PLEKHH3: variants seen among roughly 807,000 people sequenced by gnomAD.
The protein encoded by PLEKHH3 is pleckstrin homology domain-containing family H member 3.
In PLEKHH3, 57 loss-of-function variants were observed where a neutral mutation model predicts 77.8. The ratio of observed to expected loss-of-function variants is 0.73; its 90% CI spans 0.59 to 0.91. The LOEUF is 0.91. Ranked by LOEUF, PLEKHH3 falls within the 40% of genes least tolerant of loss-of-function variation. The probability of loss-of-function intolerance (pLI) is 0.00; values close to 1 mark genes in which losing one functional copy is unlikely to be tolerated. For missense variants in PLEKHH3, 1,082 were observed against 1,091.2 expected, an observed-to-expected ratio of 0.99 and a Z score of 0.12; for synonymous variants, 467 against 504.8, an observed-to-expected ratio of 0.93 and a Z score of 1.00.
Position 42,673,525 on chromosome 17 carries a change from T to C in PLEKHH3, c.522A>G (p.Lys174=), listed in dbSNP as rs548756464. The change falls in exon 5 of 13, where the codon AAA becomes AAG. Residue 174 remains lysine (K), a synonymous_variant. Coordinates refer to ENST00000591022, the MANE Select transcript of PLEKHH3 (RefSeq NM_024927.5). ...GTGGGGAGCAGAGGCGGACACTGTG[T>C]TTCCGACCAGACACAGTCACTGACC... is the stretch of plus-strand genomic sequence containing the variant. ...GLWSVTVSGR[K]HSVRLCSPRQ... The C allele has an allele frequency of 5.6e-6, 9 of 1,600,054 alleles. No individual in the cohort carries two copies. In the East Asian group the frequency reaches 1.8e-4, roughly 32 times the overall value.
In PLEKHH3 at chr17:42,676,180, C is replaced by A; in HGVS notation, c.162+222G>T. ...GCCTCCCCTGCCTCAGGGCCCCCAG[C>A]AGGTGGATAGCGCCCAGCCTGCAGC... On this transcript the variant is annotated intron_variant, in intron 1 of 12. Coordinates refer to ENST00000591022, the MANE Select transcript of PLEKHH3 (RefSeq NM_024927.5). The surrounding 1 kb of genome is among the most constrained non-coding windows in gnomAD (Gnocchi z 6.6). 2.9e-6 allele frequency: 4 copies of A among 1,380,546 alleles called. No homozygotes were observed. The highest frequency in any genetic ancestry group is 3.8e-6 in the Non-Finnish European group (4 of 1,063,354). 85.5% of individuals were successfully genotyped at this position (1,380,546 alleles called of 1,614,324 possible). A position where few individuals can be genotyped will look rare whatever the true frequency, so the allele number is the denominator to read the frequency against.
At position 42,673,241 on chromosome 17, in the gene PLEKHH3, A is replaced by C. The variant is rs1408826109; in HGVS notation, c.704T>G (p.Leu235Arg). The C allele has an allele frequency of 6.3e-7, 1 of 1,589,530 alleles. No individual in the cohort carries two copies. The highest frequency in any genetic ancestry group is 2.2e-5 in the East Asian group (1 of 44,620). ...VALIYLRNPI[L>R]RHTSGALYAP... ...ATACAAGGCTCCACTAGTGTGTCTC[A>C]GAATCGGGTTCCTCAGGTAAATGAG... The change falls in exon 6 of 13, where the codon CTG becomes CGG. Residue 235 changes from leucine (L) to arginine (R), a missense_variant. Around this residue, in one of 3 missense-constraint regions of PLEKHH3, gnomAD observed 344 missense variants for 320.8 expected, o/e 1.07. Coordinates refer to ENST00000591022, the MANE Select transcript of PLEKHH3 (RefSeq NM_024927.5).
In PLEKHH3 at chr17:42,671,624, CT is replaced by C. The variant is rs1466928738; in HGVS notation, c.1077-67del. ...TTCTTCTCCCCCTCCCTCTTGCCTGCTTCTCTTATAGTTTATTTTATCTAGC... is the reference window on the plus strand; with the variant it reads ...TTCTTCTCCCCCTCCCTCTTGCCTGCTCTCTTATAGTTTATTTTATCTAGC... On this transcript the variant is annotated intron_variant, in intron 7 of 12. Transcript: ENST00000591022. This position sits in a 1 kb window ranked among gnomAD's most constrained non-coding sequence, Gnocchi z 4.7. 5 of 1,467,890 alleles carry C rather than the reference CT, an allele frequency of 3.4e-6. No individual in the cohort carries two copies. In the African/African-American group the frequency reaches 7.0e-5, roughly 21 times the overall value. 90.9% of individuals were successfully genotyped at this position (1,467,890 alleles called of 1,614,324 possible).
chr17:42,670,773 G>C (rs138970377), intron 9 of PLEKHH3, 68 bp from the exon 10 acceptor site: 468 of 1,559,762 alleles, frequency 3.0e-4, no homozygotes, highest in Non-Finnish European at 3.8e-4. Context: ...AGCTTGGGGT[G>C]GGGGCGGGGC....
In PLEKHH3 at chr17:42,674,382, G is replaced by T; in HGVS notation, c.190C>A (p.Pro64Thr). Residue 64 changes from proline to threonine, a missense_variant, in exon 2 of 13, where the codon CCA (proline) becomes ACA (threonine). Physicochemically the swap from Pro to Thr is conservative, Grantham distance 38. Transcript: ENST00000591022. ...TTGGAGACAGGCCCGCTCCTCACTGGCTGAGTCAGCGTCACTTCCAGGGGA... is the reference window on the plus strand; with the variant it reads ...TTGGAGACAGGCCCGCTCCTCACTGTCTGAGTCAGCGTCACTTCCAGGGGA... ...RGPLEVTLTQ[P>T]VRSGPVSNRL... The T allele has an allele frequency of 6.3e-7, 1 of 1,595,102 alleles. No homozygotes were observed.
Position 42,672,120 on chromosome 17 carries a change from C to T in PLEKHH3, c.1042G>A (p.Ala348Thr). Residue 348 changes from alanine (A) to threonine (T), a missense_variant, in exon 7 of 13, where the codon GCT becomes ACT. By Grantham distance (58) the Ala-to-Thr change is moderately conservative (BLOSUM62 0). This residue lies in a region of PLEKHH3 where 733 missense variants were observed against 750.0 expected (regional missense o/e 0.98). Transcript: ENST00000591022. ...CMSCTFRPGG[A>T]VRGHLLGHLE... The stretch of plus-strand genomic sequence containing the variant: ...TGCCCCAGGAGGTGCCCCCGCACAG[C>T]TCCCCCAGGTCGGAAGGTGCAGCTC... 6.6e-7 allele frequency: 1 copy of T among 1,520,384 alleles called. No individual in the cohort carries two copies. 94.2% of individuals were successfully genotyped at this position (1,520,384 alleles called of 1,614,324 possible).
chr17:42,673,396 T>C lies in PLEKHH3; in HGVS notation c.648+3A>G. The C allele has an allele frequency of 6.2e-7, 1 of 1,613,380 alleles. No homozygotes were observed. The highest frequency in any genetic ancestry group is 8.5e-7 in the Non-Finnish European group (1 of 1,179,844). ...CACTCTCCTGGCTCTCCCTGGTGTG[T>C]ACCTGTATGTCCCTGAGCAGTAGCT... is the stretch of plus-strand genomic sequence containing the variant. On this transcript the variant is annotated splice_donor_region_variant and intron_variant, in intron 5 of 12. Coordinates refer to ENST00000591022, the MANE Select transcript of PLEKHH3 (RefSeq NM_024927.5).
Position 42,669,484 on chromosome 17 carries a change from G to T in PLEKHH3, c.2151C>A (p.Pro717=). ...GHVAACQLMG[P]HTLALRVGES... is the part of the protein sequence containing the mutation. The stretch of plus-strand genomic sequence containing the variant: ...CTCCCACCCTCAAGGCCAGGGTGTG[G>T]GGGCCCATTAGCTGGCAGGCGGCCA... The change falls in exon 12 of 13, where the codon CCC becomes CCA. Residue 717 remains proline (P), a synonymous_variant. Transcript: ENST00000591022. 3 of 1,601,552 alleles carry T rather than the reference G, an allele frequency of 1.9e-6. No homozygotes were observed. Among genetic ancestry groups the T allele is most frequent in the Non-Finnish European group, 1.7e-6 (2 of 1,171,532 alleles).
At position 42,671,280 on chromosome 17, in the gene PLEKHH3, G is replaced by A; in HGVS notation, c.1284+71C>T. ...GACTCGGGGCAAACCTAGGGTCCAG[G>A]AAGAGGGAGAGACAGGCGTGAGAAG... is the stretch of plus-strand genomic sequence containing the variant. On this transcript the variant is annotated intron_variant, in intron 8 of 12. Transcript: ENST00000591022. This position sits in a 1 kb window ranked among gnomAD's most constrained non-coding sequence, Gnocchi z 4.7. 1.3e-6 allele frequency: 2 copies of A among 1,572,388 alleles called. No individual in the cohort carries two copies. Among genetic ancestry groups the A allele is most frequent in the Non-Finnish European group, 1.7e-6 (2 of 1,154,102 alleles).
Position 42,676,214 on chromosome 17 carries a change from C to T in PLEKHH3, c.162+188G>A. On this transcript the variant is annotated intron_variant, in intron 1 of 12. Coordinates refer to ENST00000591022, the MANE Select transcript of PLEKHH3 (RefSeq NM_024927.5). The surrounding 1 kb of genome is among the most constrained non-coding windows in gnomAD (Gnocchi z 6.6). ...AGCGCCCAGCCTGCAGCGGGAGGCC[C>T]ACAGGCACATCCCGAGTAGGGCTGC... 1.4e-6 allele frequency: 2 copies of T among 1,382,976 alleles called. No individual in the cohort carries two copies. The highest frequency in any genetic ancestry group is 1.9e-6 in the Non-Finnish European group (2 of 1,055,432). 85.7% of individuals were successfully genotyped at this position (1,382,976 alleles called of 1,614,324 possible).
At position 42,676,468 on chromosome 17, in the gene PLEKHH3, G is replaced by A. The variant is rs1319556431; in HGVS notation, c.96C>T (p.Asp32=). Reference sequence around the variant, plus strand: ...TTTCCTCGTCCTCGTCCTCGTCCCCGTCCCCGCTAAGCTCGCCGTCCCCGT... The same window carrying A: ...TTTCCTCGTCCTCGTCCTCGTCCCCATCCCCGCTAAGCTCGCCGTCCCCGT... ...RDYGDGELSG[D]GDEDEDEETF... is the part of the protein sequence containing the mutation. Residue 32 remains aspartate, a synonymous_variant, in exon 1 of 13, where the codon GAC becomes GAT. Transcript: ENST00000591022. The surrounding 1 kb of genome is among the most constrained non-coding windows in gnomAD (Gnocchi z 6.6). The A allele has an allele frequency of 1.2e-6, 2 of 1,612,934 alleles. No individual in the cohort carries two copies. The highest frequency in any genetic ancestry group is 8.5e-7 in the Non-Finnish European group (1 of 1,179,746).
chr17:42,668,441 TCA>T, intron 12 of PLEKHH3, 138 bp from the exon 13 acceptor site: 1 of 624,408 alleles, frequency 1.6e-6, no homozygotes, highest in Non-Finnish European at 2.5e-6. Flanking sequence ...TCCTTCCTTA[TCA>T]CCACTCTCTC....
At position 42,676,638 on chromosome 17, in the gene PLEKHH3, T is replaced by C; in HGVS notation, c.-75A>G. 1 of 1,408,046 alleles carries C rather than the reference T, an allele frequency of 7.1e-7. No individual in the cohort carries two copies. Among genetic ancestry groups the C allele is most frequent in the Middle Eastern group, 1.9e-4 (1 of 5,168 alleles). The allele number at this position is 1,408,046 out of a possible 1,614,324, so 87.2% of individuals were successfully genotyped here. ...AGGGGGTCGGAGGAACTGGCGGGGC[T>C]CCGACCCGAGCAGGGGAAAGATGAG... is the stretch of plus-strand genomic sequence containing the variant. On this transcript the variant is annotated 5_prime_UTR_variant, in exon 1 of 13. Transcript: ENST00000591022. The surrounding 1 kb of genome is among the most constrained non-coding windows in gnomAD (Gnocchi z 6.6).
chr17:42,670,234 G>A lies in PLEKHH3; in HGVS notation c.1697C>T (p.Pro566Leu), dbSNP rs1488298255. The A allele has an allele frequency of 2.4e-5, 29 of 1,220,660 alleles. No individual in the cohort carries two copies. Among genetic ancestry groups the A allele is most frequent in the African/African-American group, 2.0e-4 (13 of 63,498 alleles). 75.6% of individuals were successfully genotyped at this position (1,220,660 alleles called of 1,614,324 possible). Residue 566 changes from proline (P) to leucine (L), a missense_variant, in exon 11 of 13, where the codon CCG (proline) becomes CTG (leucine). Pro to Leu is a moderately conservative substitution (Grantham distance 98, BLOSUM62 -3). Transcript: ENST00000591022. ...GGGCGGGTCTTCGCGCGGCGGGGCC[G>A]GGGGCGGGAGCAGGCGGTCCAGGCG... ...LPRLDRLLPP[P>L]APPREDPPRP...
At chr17:42,673,897 T>C (rs1273056469) in intron 3 of PLEKHH3, 37 bp downstream of exon 3, 28 of 1,607,762 alleles carry the variant, frequency 1.7e-5, no homozygotes, top group Admixed American at 3.3e-5. Flanking sequence ...GGGGTTGGGA[T>C]TGGGGGCCTC....
chr17:42,671,099 A>G lies in PLEKHH3; in HGVS notation c.1316T>C (p.Leu439Ser). 6.3e-7 allele frequency: 1 copy of G among 1,597,834 alleles called. No individual in the cohort carries two copies. Among genetic ancestry groups the G allele is most frequent in the East Asian group, 2.2e-5 (1 of 44,524 alleles). ...CGCGAATGCGTTGCGGCTCCGGGCC[A>G]AGCCCAGCCGCCCCACCAGCTCTCG... The part of the protein sequence containing the change: ...VARELVGRLG[L>S]ARSRNAFALY... Residue 439 changes from leucine (L) to serine (S), a missense_variant, in exon 9 of 13, where the codon TTG (leucine) becomes TCG (serine). Leu to Ser is a moderately radical substitution (Grantham distance 145, BLOSUM62 -2). This residue lies in a region of PLEKHH3 where 733 missense variants were observed against 750.0 expected (regional missense o/e 0.98). Coordinates refer to ENST00000591022, the MANE Select transcript of PLEKHH3 (RefSeq NM_024927.5). This position sits in a 1 kb window ranked among gnomAD's most constrained non-coding sequence, Gnocchi z 4.7.
Position 42,669,057 on chromosome 17 carries a change from C to T in PLEKHH3, c.2205+373G>A, listed in dbSNP as rs190093785. The T allele has an allele frequency of 3.8e-3, 623 of 162,888 alleles. 1 individual carries two copies. Among genetic ancestry groups the T allele is most frequent in the Non-Finnish European group, 6.4e-3 (481 of 75,632 alleles). 10.1% of individuals were successfully genotyped at this position (162,888 alleles called of 1,614,324 possible). A position where few individuals can be genotyped will look rare whatever the true frequency, so the allele number is the denominator to read the frequency against. ...CGATCTCCTGACCTCGTGATCTGCC[C>T]GCCTCGGCCTCCCAAAGTGCTGGGA... On this transcript the variant is annotated intron_variant, in intron 12 of 12. Coordinates refer to ENST00000591022, the MANE Select transcript of PLEKHH3 (RefSeq NM_024927.5).
Position 42,672,277 on chromosome 17 carries a change from C to A in PLEKHH3, c.885G>T (p.Arg295=), listed in dbSNP as rs2052719609. The change falls in exon 7 of 13, where the codon CGG becomes CGT. Residue 295 remains arginine, a synonymous_variant. Coordinates refer to ENST00000591022, the MANE Select transcript of PLEKHH3 (RefSeq NM_024927.5). The stretch of plus-strand genomic sequence containing the variant: ...GTTCATCCCGGAGCGCGGGCAAGTC[C>A]CGGCAGGTTTGGAGCACACCCTGCA... ...PLMQGVLQTC[R]DLPALRDELF... 7 of 1,550,574 alleles carry A rather than the reference C, an allele frequency of 4.5e-6. No homozygotes were observed. Among genetic ancestry groups the A allele is most frequent in the Non-Finnish European group, 6.1e-6 (7 of 1,146,964 alleles).
intron 12 of PLEKHH3, chr17:42,668,934 C>T (rs2052622421): frequency 6.6e-6 from 1 of 152,586 alleles, no homozygotes; most frequent in Non-Finnish European, 1.5e-5. Flanking sequence ...CCTACCTCAG[C>T]TTCCCGAGTA....
Sources: allele counts gnomAD v4.1 joint callset, GRCh38; gene constraint gnomAD v4.1.1; regional missense constraint gnomAD v4.1.1; non-coding constraint Gnocchi (gnomAD v3.1); transcripts MANE v1.5; gene names NCBI Gene and HGNC (gene_info 2026-07-23, HGNC 2026-07-21).